The following CACNA1E variants were observed in gnomAD, a reference collection of about 807,000 sequenced individuals.
CACNA1E encodes the protein voltage-dependent R-type calcium channel subunit alpha-1E.
Under a neutral mutation model 259.2 loss-of-function variants are expected in CACNA1E, and 40 were observed. That is an observed-to-expected ratio of 0.15 (90% confidence interval 0.12 to 0.20). The LOEUF is 0.20. Among genes scored for constraint, CACNA1E ranks in the 10% least tolerant of loss-of-function variants. CACNA1E has a pLI of 1.00. For synonymous variants in CACNA1E, 1,104 were observed against 1,138.5 expected (o/e 0.97, Z 0.61); for missense variants, 1,874 against 3,040.1 (o/e 0.62, Z 9.02).
chr1:181,665,908 T>C (rs1055628138), intron 7 of CACNA1E, among the ~76,000 whole-genome samples: 3 of 152,142 alleles, frequency 2.0e-5, no homozygotes, highest in African/African-American at 7.2e-5. Flanking sequence ...CAGAATTCAT[T>C]CTTTAACTTC....
chr1:181,395,404 A>G (rs1656601115), intron 1 of CACNA1E, among the ~76,000 whole-genome samples: 1 of 152,152 alleles, frequency 6.6e-6, no homozygotes, highest in South Asian at 2.1e-4. Context: ...ATCCAAGTAG[A>G]GAAGTCATGG....
chr1:181,429,938 G>A (rs1659595880), intron 2 of CACNA1E, among the ~76,000 whole-genome samples: 1 of 152,228 alleles, frequency 6.6e-6, no homozygotes, highest in African/African-American at 2.4e-5. Flanking sequence ...CAACTGGGCG[G>A]GCAGGTACCT....
intron 1 of CACNA1E, among the ~76,000 whole-genome samples, chr1:181,320,397 CT>C (rs1650250238): frequency 6.6e-6 from 1 of 152,190 alleles, no homozygotes; most frequent in African/African-American, 2.4e-5. Context: ...GCCCATAAAT[CT>C]GCCAGACAGC....
chr1:181,321,999 G>A (rs1650388208), intron 1 of CACNA1E, among the ~76,000 whole-genome samples: 1 of 152,128 alleles, frequency 6.6e-6, no homozygotes, highest in African/African-American at 2.4e-5. Context: ...CCTTCTACTG[G>A]GGGAGGGTAG....
intron 6 of CACNA1E, among the ~76,000 whole-genome samples, chr1:181,647,722 G>A (rs1366203801): frequency 6.6e-6 from 1 of 152,216 alleles, no homozygotes; most frequent in Non-Finnish European, 1.5e-5. Context: ...ACTGGCATCA[G>A]AAAGAACCAT....
chr1:181,790,876 G>A (rs1013355114), intron 44 of CACNA1E, among the ~76,000 whole-genome samples: 3 of 152,168 alleles, frequency 2.0e-5, no homozygotes, highest in African/African-American at 7.2e-5. Context: ...CCTTTGATGG[G>A]GAGCTTGAAG....
intron 1 of CACNA1E, among the ~76,000 whole-genome samples, chr1:181,347,209 C>T (rs116062913): frequency 1.4e-3 from 217 of 152,284 alleles, no homozygotes; most frequent in African/African-American, 5.1e-3. Flanking sequence ...CTCCCACAGG[C>T]TTGTCCCACA....
At chr1:181,452,680 T>C (rs541105112) in intron 2 of CACNA1E, among the ~76,000 whole-genome samples, 20 of 152,340 alleles carry the variant, frequency 1.3e-4, no homozygotes, top group Non-Finnish European at 2.4e-4. Context: ...CAAGGCTATC[T>C]CTAGGTAGGC....
intron 8 of CACNA1E, among the ~76,000 whole-genome samples, chr1:181,713,436 C>T (rs922254243): frequency 6.6e-6 from 1 of 152,144 alleles, no homozygotes; most frequent in Admixed American, 6.6e-5. Flanking sequence ...GTTAATTTAG[C>T]GTTTTGCCAG....
intron 7 of CACNA1E, among the ~76,000 whole-genome samples, chr1:181,683,049 G>C (rs566351471): frequency 1.3e-5 from 2 of 152,210 alleles, no homozygotes; most frequent in East Asian, 3.9e-4. Context: ...CATAGAATTG[G>C]AGCCCCTCCC....
chr1:181,364,678 T>C (rs917944054), intron 1 of CACNA1E, among the ~76,000 whole-genome samples: 3 of 152,240 alleles, frequency 2.0e-5, no homozygotes, highest in Non-Finnish European at 4.4e-5. Flanking sequence ...AGGTAGTTGA[T>C]GTAGTGGCAT....
intron 4 of CACNA1E, among the ~76,000 whole-genome samples, chr1:181,578,607 C>T (rs1373114640): frequency 2.0e-5 from 3 of 152,126 alleles, no homozygotes; most frequent in Non-Finnish European, 4.4e-5. Flanking sequence ...TTTATTTAGC[C>T]ATTTTTATGT....
In CACNA1E at chr1:181,407,864, C is replaced by T. The variant is rs952707381; in HGVS notation, c.-14-5269C>T. ...AATCATTTTTAGAATTAACTCAACA[C>T]GATATATAAGTTGTAGAGTATCATA... is the stretch of plus-strand genomic sequence containing the variant. On this transcript the variant is annotated intron_variant, in intron 1 of 11. Coordinates refer to the CACNA1E transcript ENST00000524607. Among the ~76,000 whole-genome samples, 18 of 152,176 alleles carry T rather than the reference C, an allele frequency of 1.2e-4. 1 individual carries two copies. Among genetic ancestry groups the T allele is most frequent in the African/African-American group, 2.9e-4 (12 of 41,432 alleles).
In CACNA1E at chr1:181,570,246, T is replaced by G. The variant is rs548064799; in HGVS notation, c.513-7520T>G. Among the ~76,000 whole-genome samples, 216 of 152,270 alleles carry G rather than the reference T, an allele frequency of 1.4e-3. 2 individuals carry two copies. Among genetic ancestry groups the G allele is most frequent in the Non-Finnish European group, 2.5e-3 (170 of 68,026 alleles). ...CTTTTGGGAAGATCTTATTGTGTGT[T>G]CCTCGGGGGGAGTCTTGCTCACCTT... On this transcript the variant is annotated intron_variant, in intron 3 of 47. Coordinates refer to ENST00000367573, the MANE Select transcript of CACNA1E (RefSeq NM_001205293.3).
At chr1:181,476,465 GCC>G (rs1662857559) in intron 2 of CACNA1E, among the ~76,000 whole-genome samples, 1 of 152,136 alleles carries the variant, frequency 6.6e-6, no homozygotes, top group African/African-American at 2.4e-5. Context: ...GGCCTTCAGG[GCC>G]CCTTTAGGCT....
chr1:181,356,678 CTG>C (rs1313047762), intron 1 of CACNA1E, among the ~76,000 whole-genome samples: 2 of 152,216 alleles, frequency 1.3e-5, no homozygotes, highest in African/African-American at 2.4e-5. Flanking sequence ...TGAAACTTCT[CTG>C]CCACCTTGGA....
intron 3 of CACNA1E, among the ~76,000 whole-genome samples, chr1:181,551,702 G>A (rs750304296): frequency 7.9e-5 from 12 of 152,196 alleles, no homozygotes; most frequent in South Asian, 6.2e-4. Flanking sequence ...CCTTCAGATC[G>A]TCCAGTTCAT....
chr1:181,566,080 G>C (rs1649796385), intron 3 of CACNA1E, among the ~76,000 whole-genome samples: 1 of 152,208 alleles, frequency 6.6e-6, no homozygotes, highest in African/African-American at 2.4e-5. Context: ...GCAATCATAG[G>C]ATACCATAAA....
intron 7 of CACNA1E, among the ~76,000 whole-genome samples, chr1:181,659,329 G>C (rs1299286893): frequency 6.6e-6 from 1 of 152,192 alleles, no homozygotes; most frequent in African/African-American, 2.4e-5. Context: ...TGTCGGCTCA[G>C]ATTTAAAGAG....
Sources: gnomAD v4.1 joint callset for allele counts (sites outside exome capture counted in the v4.1 genomes callset) on GRCh38, gnomAD v4.1.1 for gene constraint, MANE v1.5 for transcripts, NCBI Gene and HGNC (gene_info 2026-07-23, HGNC 2026-07-21) for gene names.